Variants in ODAD2 observed in about 807,000 individuals in gnomAD.
ODAD2 encodes the protein outer dynein arm docking complex subunit 2.
A neutral mutation model predicts 106.8 loss-of-function variants in ODAD2; 89 were observed. That is an observed-to-expected ratio of 0.83 (90% CI 0.70 to 0.99). The LOEUF is 0.99. ODAD2 is among the 50% of genes least tolerant of loss of function. ODAD2 has a pLI of 0.00. For synonymous variants in ODAD2, 404 were observed against 436.2 expected (o/e 0.93, Z 0.92); for missense variants, 1,168 against 1,238.5 (o/e 0.94, Z 0.85).
intron 17 of ODAD2, among the ~76,000 whole-genome samples, chr10:27,887,591 C>A (rs950964878): frequency 2.6e-5 from 4 of 151,816 alleles, no homozygotes; most frequent in African/African-American, 9.7e-5. Flanking sequence ...CAAAACAAGT[C>A]TTTAAAAATA....
intron 19 of ODAD2, among the ~76,000 whole-genome samples, chr10:27,817,465 C>T (rs544628489): frequency 6.6e-6 from 1 of 152,258 alleles, no homozygotes; most frequent in African/African-American, 2.4e-5. Context: ...GAACACTGCA[C>T]CCAATAGGTA....
intron 17 of ODAD2, among the ~76,000 whole-genome samples, chr10:27,865,993 G>A (rs1264501386): frequency 1.3e-5 from 2 of 152,042 alleles, no homozygotes; most frequent in African/African-American, 4.8e-5. Flanking sequence ...AAGCTTATTT[G>A]GAAAAATAGT....
intron 1 of ODAD2, among the ~76,000 whole-genome samples, chr10:27,998,003 A>G (rs1281988059): frequency 6.6e-6 from 1 of 152,228 alleles, no homozygotes; most frequent in Non-Finnish European, 1.5e-5. Flanking sequence ...TCTTTATCCA[A>G]TAGATACCAC....
At chr10:27,822,640 C>T (rs912780056) in intron 19 of ODAD2, among the ~76,000 whole-genome samples, 4 of 152,164 alleles carry the variant, frequency 2.6e-5, no homozygotes, top group Non-Finnish European at 5.9e-5. Flanking sequence ...CTCTGAGCCT[C>T]GGTAATTCAT....
chr10:27,818,226 G>A (rs924819411), intron 19 of ODAD2, among the ~76,000 whole-genome samples: 9 of 151,654 alleles, frequency 5.9e-5, no homozygotes, highest in Admixed American at 2.0e-4. Context: ...AAAACAAAAC[G>A]TTCCAACTAA....
chr10:27,951,812 C>T (rs1210861916), intron 10 of ODAD2, among the ~76,000 whole-genome samples: 3 of 152,176 alleles, frequency 2.0e-5, no homozygotes, highest in Non-Finnish European at 2.9e-5. Flanking sequence ...CAGTGGCTCA[C>T]ATCTGTAATT....
At chr10:27,916,247 G>A (rs926565970) in intron 16 of ODAD2, among the ~76,000 whole-genome samples, 33 of 152,064 alleles carry the variant, frequency 2.2e-4, no homozygotes, top group African/African-American at 8.0e-4. Context: ...CTAGGGGAAG[G>A]TGGCCTAACA....
intron 7 of ODAD2, among the ~76,000 whole-genome samples, chr10:27,974,781 T>G (rs1311653489): frequency 1.3e-5 from 2 of 151,816 alleles, no homozygotes; most frequent in Non-Finnish European, 2.9e-5. Flanking sequence ...GTGAAGAATG[T>G]TTTTGGTAAT....
rs778581107 is a variant in ODAD2, at chr10:27,939,960, A to G, written c.2034T>C (p.Leu678=). 3.1e-6 allele frequency: 5 copies of G among 1,611,196 alleles called. No homozygotes were observed. In the South Asian group the frequency reaches 3.3e-5, roughly 11 times the overall value. Residue 678 remains leucine, a synonymous_variant, in exon 14 of 20, where the codon CTT becomes CTC. Transcript: ENST00000305242. ...CATTCTCACTATTTAGGTTCTTGAC[A>G]AGGTTTTCAATGATCCTTTCTGCTT... is the stretch of plus-strand genomic sequence containing the variant. The part of the protein sequence containing the change: ...AIKAERIIEN[L]VKNLNSENEQ...
At chr10:27,924,002 GAAAGAAAGA>G (rs1224321764) in intron 16 of ODAD2, among the ~76,000 whole-genome samples, 1 of 135,194 alleles carries the variant, frequency 7.4e-6, no homozygotes, top group South Asian at 2.4e-4. Context: ...AAGAAAGAAA[GAAAGAAAGA>G]AAGAAAGAAA....
Position 27,961,575 on chromosome 10 carries a change from T to C in ODAD2, c.1379A>G (p.Tyr460Cys). 1 of 1,610,702 alleles carries C rather than the reference T, an allele frequency of 6.2e-7. No homozygotes were observed. The highest frequency in any genetic ancestry group is 1.1e-5 in the South Asian group (1 of 90,550). Residue 460 changes from tyrosine to cysteine, a missense_variant, in exon 10 of 20, where the codon TAT becomes TGT. Physicochemically the swap from Tyr to Cys is radical, Grantham distance 194. Coordinates refer to ENST00000305242, the MANE Select transcript of ODAD2 (RefSeq NM_018076.5). ...ACCATAGACCTTTCTTACCTTTAAA[T>C]ATTTCACCAGCTTCTGAATTTGCCA... ...EYWQIQKLVK[Y>C]LKGGNQTATV...
chr10:27,905,894 G>T (rs1162323695), intron 17 of ODAD2, among the ~76,000 whole-genome samples: 1 of 152,096 alleles, frequency 6.6e-6, no homozygotes, highest in African/African-American at 2.4e-5. Flanking sequence ...TTAAATGTAA[G>T]ACCTAAAACC....
intron 15 of ODAD2, among the ~76,000 whole-genome samples, 177 bp downstream of exon 15, chr10:27,936,549 G>T (rs966723297): frequency 6.6e-6 from 1 of 152,140 alleles, no homozygotes; most frequent in Non-Finnish European, 1.5e-5. Flanking sequence ...CCAGGTGGTG[G>T]GCAATTTCTA....
chr10:27,968,042 T>C (rs1219701934), intron 9 of ODAD2, among the ~76,000 whole-genome samples: 161 of 144,930 alleles, frequency 1.1e-3, no homozygotes, highest in East Asian at 3.4e-3. Flanking sequence ...ATCAAGGTGA[T>C]GAAGAAGTAT....
At chr10:27,863,293 A>C (rs1840197779) in intron 17 of ODAD2, among the ~76,000 whole-genome samples, 2 of 152,204 alleles carry the variant, frequency 1.3e-5, no homozygotes, top group Non-Finnish European at 2.9e-5. Context: ...GTGAACAGTG[A>C]AATAACCAAC....
chr10:27,895,279 C>T (rs759021852), intron 17 of ODAD2, among the ~76,000 whole-genome samples: 9 of 152,160 alleles, frequency 5.9e-5, no homozygotes, highest in Admixed American at 4.6e-4. Flanking sequence ...CCGCTAACTA[C>T]ATGTAACTAT....
At chr10:27,911,822 T>C (rs1442414321) in intron 16 of ODAD2, among the ~76,000 whole-genome samples, 3 of 152,174 alleles carry the variant, frequency 2.0e-5, no homozygotes, top group Middle Eastern at 3.2e-3. Flanking sequence ...CCAATTACCA[T>C]GTAATCTCCA....
At chr10:27,875,751 G>A (rs1589888600) in intron 17 of ODAD2, among the ~76,000 whole-genome samples, 1 of 152,198 alleles carries the variant, frequency 6.6e-6, no homozygotes, top group Non-Finnish European at 1.5e-5. Context: ...GCAAGGCATT[G>A]CCTCACCCAG....
intron 17 of ODAD2, among the ~76,000 whole-genome samples, chr10:27,902,654 A>G (rs1468281415): frequency 6.6e-6 from 1 of 152,254 alleles, no homozygotes; most frequent in East Asian, 1.9e-4. Flanking sequence ...CTACCATCAG[A>G]GAATGCTATA....
Sources: gnomAD v4.1 joint callset for allele counts (sites outside exome capture counted in the v4.1 genomes callset) on GRCh38, gnomAD v4.1.1 for gene constraint, MANE v1.5 for transcripts, NCBI Gene and HGNC (gene_info 2026-07-23, HGNC 2026-07-21) for gene names.